Variants in PMS1 observed in about 807,000 individuals in gnomAD.
PMS1 encodes the protein PMS1 homolog 1, mismatch repair system component, also known as PMS1 protein homolog 1.
Under a neutral mutation model 93.1 loss-of-function variants are expected in PMS1, and 79 were observed. The observed-to-expected ratio is 0.85, with a 90% CI of 0.71 to 1.02. The LOEUF (loss-of-function observed/expected upper bound fraction) is 1.02. Among genes scored for constraint, PMS1 ranks in the 50% least tolerant of loss-of-function variants. The pLI is 0.00. For missense variants in PMS1, 1,064 were observed against 1,085.3 expected (o/e 0.98, Z 0.28); for synonymous variants, 335 against 363.4 (o/e 0.92, Z 0.89).
intron 9 of PMS1, among the ~76,000 whole-genome samples, chr2:189,861,345 C>T (rs2106495034): frequency 6.6e-6 from 1 of 150,998 alleles, no homozygotes; most frequent in South Asian, 2.1e-4. Flanking sequence ...CATATACTGG[C>T]AACTAATTCT....
intron 12 of PMS1, 29 bp downstream of exon 12, chr2:189,873,685 G>C (rs768365478): frequency 6.6e-7 from 1 of 1,526,706 alleles, no homozygotes; most frequent in Non-Finnish European, 9.1e-7. Flanking sequence ...ATATGTTATT[G>C]TATACAGGGG....
intron 3 of PMS1, among the ~76,000 whole-genome samples, chr2:189,800,791 C>A (rs1359264834): frequency 6.6e-6 from 1 of 152,042 alleles, no homozygotes; most frequent in Non-Finnish European, 1.5e-5. Flanking sequence ...ACAGCCATCA[C>A]CTATAACTCT....
chr2:189,837,634 T>C (rs191745200), intron 5 of PMS1, among the ~76,000 whole-genome samples: 1 of 152,312 alleles, frequency 6.6e-6, no homozygotes, highest in East Asian at 1.9e-4. Flanking sequence ...AGTCTGGCAG[T>C]TCTTCAAAAA....
chr2:189,877,374 A>G lies in PMS1; in HGVS notation c.2737A>G (p.Lys913Glu). 2 of 1,613,416 alleles carry G rather than the reference A, an allele frequency of 1.2e-6. No homozygotes were observed. Among genetic ancestry groups the G allele is most frequent in the Admixed American group, 1.7e-5 (1 of 60,028 alleles). ...RMKHQFGNEI[K>E]ECVHGRPFFH... is the part of the protein sequence containing the mutation. ...GAAGCACCAGTTTGGAAATGAAATT[A>G]AAGAGTGTGTTCATGGTCGCCCATT... The change falls in exon 13 of 13, where the codon AAA (lysine) becomes GAA (glutamate). Residue 913 changes from lysine to glutamate, a missense_variant. Physicochemically the swap from Lys to Glu is moderately conservative, Grantham distance 56. Coordinates refer to ENST00000441310, the MANE Select transcript of PMS1 (RefSeq NM_000534.5).
chr2:189,855,218 T>C (rs1285999755), intron 9 of PMS1, 90 bp downstream of exon 9: 4 of 1,093,620 alleles, frequency 3.7e-6, no homozygotes, highest in South Asian at 1.3e-5. Flanking sequence ...TTTCACTTCT[T>C]ATTTATGGAA....
At chr2:189,820,388 T>G (rs985143865) in intron 5 of PMS1, among the ~76,000 whole-genome samples, 1 of 152,118 alleles carries the variant, frequency 6.6e-6, no homozygotes, top group Non-Finnish European at 1.5e-5. Context: ...CACTGCAGCC[T>G]TAGGCTCAAG....
chr2:189,814,474 A>G (rs999034201), intron 4 of PMS1, among the ~76,000 whole-genome samples: 3 of 152,240 alleles, frequency 2.0e-5, no homozygotes, highest in East Asian at 3.9e-4. Context: ...TTTCTCTTAT[A>G]GTAAATTTCC....
intron 5 of PMS1, among the ~76,000 whole-genome samples, chr2:189,829,902 A>G (rs1009529374): frequency 1.3e-5 from 2 of 152,178 alleles, no homozygotes; most frequent in African/African-American, 4.8e-5. Flanking sequence ...GGATTTTTGT[A>G]ATAGTATCCT....
chr2:189,861,809 A>G (rs2056043405), intron 9 of PMS1, among the ~76,000 whole-genome samples: 1 of 149,898 alleles, frequency 6.7e-6, no homozygotes, highest in South Asian at 2.1e-4. Flanking sequence ...AATATCCATT[A>G]TTTTTGCGGT....
At chr2:189,873,322 T>C (rs1413264934) in intron 11 of PMS1, among the ~76,000 whole-genome samples, 174 bp from the exon 12 acceptor site, 3 of 152,224 alleles carry the variant, frequency 2.0e-5, no homozygotes, top group African/African-American at 7.2e-5. Context: ...TATGACTTAA[T>C]GTGAGACCCT....
chr2:189,875,879 C>A (rs1288695137), intron 12 of PMS1, among the ~76,000 whole-genome samples: 1 of 147,768 alleles, frequency 6.8e-6, no homozygotes, highest in Non-Finnish European at 1.5e-5. Flanking sequence ...ACTGCTTGAA[C>A]CCAGGAGGTG....
In PMS1 at chr2:189,867,834, A is replaced by G. The variant is rs770203209; in HGVS notation, c.2378A>G (p.Tyr793Cys). ...GGATCTCATTATTTAGACGTTTTAT[A>G]TAAAATGACAGCAGATGACCAAAGA... ...FNGSHYLDVL[Y>C]KMTADDQRYS... Residue 793 changes from tyrosine (Y) to cysteine (C), a missense_variant, in exon 11 of 13, where the codon TAT becomes TGT. Tyr to Cys is a radical substitution (Grantham distance 194). Transcript: ENST00000441310. 5.7e-6 allele frequency: 9 copies of G among 1,579,196 alleles called. No homozygotes were observed. Among genetic ancestry groups the G allele is most frequent in the South Asian group, 1.1e-5 (1 of 90,390 alleles).
chr2:189,873,701 A>C, intron 12 of PMS1, 45 bp downstream of exon 12: 1 of 1,443,310 alleles, frequency 6.9e-7, no homozygotes, highest in Non-Finnish European at 9.7e-7. Flanking sequence ...AGGGGTCCCA[A>C]CTCCCGGGCC....
intron 6 of PMS1, 40 bp from the exon 7 acceptor site, chr2:189,852,615 C>G (rs1441696782): frequency 5.1e-6 from 8 of 1,581,230 alleles, no homozygotes; most frequent in Non-Finnish European, 7.0e-6. Context: ...ACCCGTGGAA[C>G]TACATTGTTG....
intron 9 of PMS1, among the ~76,000 whole-genome samples, chr2:189,859,906 TG>T (rs1243168281): frequency 1.3e-5 from 2 of 152,200 alleles, no homozygotes; most frequent in Non-Finnish European, 2.9e-5. Flanking sequence ...AGTTACCAAA[TG>T]AAGTATTATA....
intron 4 of PMS1, among the ~76,000 whole-genome samples, chr2:189,811,792 G>A (rs2050870501): frequency 1.3e-5 from 2 of 152,168 alleles, no homozygotes. Context: ...CAGGAGTGTT[G>A]TTAAGGCAGT....
chr2:189,864,872 G>T (rs1439164299), intron 10 of PMS1, among the ~76,000 whole-genome samples: 6 of 149,746 alleles, frequency 4.0e-5, no homozygotes, highest in African/African-American at 1.5e-4. Flanking sequence ...AAGTTAGATT[G>T]CCATGTCTTT....
At chr2:189,829,076 T>C (rs2052697462) in intron 5 of PMS1, among the ~76,000 whole-genome samples, 1 of 152,144 alleles carries the variant, frequency 6.6e-6, no homozygotes, top group South Asian at 2.1e-4. Flanking sequence ...AAACATTGAA[T>C]ATAGTAGAGG....
intron 5 of PMS1, among the ~76,000 whole-genome samples, chr2:189,825,065 A>G (rs1045297484): frequency 4.6e-5 from 7 of 152,154 alleles, no homozygotes; most frequent in Admixed American, 2.0e-4. Context: ...CATATTGCGC[A>G]TAATACGAGA....
Sources: gnomAD v4.1 joint callset for allele counts (sites outside exome capture counted in the v4.1 genomes callset) on GRCh38, gnomAD v4.1.1 for gene constraint, MANE v1.5 for transcripts, NCBI Gene and HGNC (gene_info 2026-07-23, HGNC 2026-07-21) for gene names.